RBMS3: variants seen among roughly 807,000 people sequenced by gnomAD.
RBMS3 encodes the protein RNA binding motif single stranded interacting protein 3, also known as RNA-binding motif, single-stranded-interacting protein 3.
RBMS3 carries 27 observed loss-of-function variants against 66.8 expected under a neutral mutation model. The observed-to-expected ratio is 0.40, with a 90% CI of 0.30 to 0.56. RBMS3 has a LOEUF of 0.56. RBMS3 is among the 20% of genes least tolerant of loss of function. The pLI is 0.40. For synonymous variants in RBMS3, 188 were observed against 183.0 expected, an observed-to-expected ratio of 1.03 and a Z score of -0.22; for missense variants, 513 against 549.5, an observed-to-expected ratio of 0.93 and a Z score of 0.66.
chr3:29,766,613 AG>A (rs1223865067), intron 6 of RBMS3: 2 of 151,972 alleles, frequency 1.3e-5, no homozygotes, highest in Admixed American at 1.3e-4. Context: ...TATTCATAAA[AG>A]ATCTTTTTTT....
At position 30,004,507 on chromosome 3, in the gene RBMS3, CT is replaced by C. The variant is rs1351475678; in HGVS notation, c.*646del. ...CTTTCACTGGCACAGAAGTTTAAGA[CT>C]ATGAGTTTTTAGGGTGAAGAAAAAA... On this transcript the variant is annotated 3_prime_UTR_variant, in exon 15 of 15. Transcript: ENST00000383767. 1 of 151,998 alleles carries C rather than the reference CT, an allele frequency of 6.6e-6. No individual in the cohort carries two copies. Among genetic ancestry groups the C allele is most frequent in the Non-Finnish European group, 1.5e-5 (1 of 67,778 alleles). The allele number at this position is 151,998 out of a possible 1,614,324, so 9.4% of individuals were successfully genotyped here. A position where few individuals can be genotyped will look rare whatever the true frequency, so the allele number is the denominator to read the frequency against.
chr3:29,843,752 C>A (rs933698704), intron 6 of RBMS3, among the ~76,000 whole-genome samples: 1 of 152,028 alleles, frequency 6.6e-6, no homozygotes, highest in Admixed American at 6.6e-5. Context: ...CCCAGGGGAC[C>A]AGCCTGGGCA....
intron 3 of RBMS3, among the ~76,000 whole-genome samples, chr3:29,507,437 GA>G (rs375389866): frequency 1.3e-5 from 2 of 151,862 alleles, no homozygotes; most frequent in African/African-American, 4.8e-5. Context: ...TTATGTAAAG[GA>G]AAAATTGTTA....
intron 14 of RBMS3, among the ~76,000 whole-genome samples, chr3:29,998,169 C>T (rs950737071): frequency 6.6e-6 from 1 of 152,124 alleles, no homozygotes; most frequent in African/African-American, 2.4e-5. Context: ...TTCACAATTG[C>T]TTCAAAGAGA....
chr3:29,353,069 C>G (rs2037015448), intron 1 of RBMS3, among the ~76,000 whole-genome samples: 1 of 151,764 alleles, frequency 6.6e-6, no homozygotes, highest in Non-Finnish European at 1.5e-5. Context: ...ATAGAATAAT[C>G]TTAGTGTTCC....
At chr3:29,834,531 T>G (rs975959925) in intron 6 of RBMS3, among the ~76,000 whole-genome samples, 1 of 152,006 alleles carries the variant, frequency 6.6e-6, no homozygotes, top group African/African-American at 2.4e-5. Context: ...AGTGTAAAAT[T>G]TGTGTGTGCG....
chr3:29,855,425 G>A (rs922969545), intron 6 of RBMS3, among the ~76,000 whole-genome samples: 2 of 152,020 alleles, frequency 1.3e-5, no homozygotes, highest in African/African-American at 4.8e-5. Flanking sequence ...ATCATTATAT[G>A]CCAAAAATAC....
chr3:29,537,244 A>G (rs1028340207), intron 3 of RBMS3, among the ~76,000 whole-genome samples: 4 of 152,198 alleles, frequency 2.6e-5, no homozygotes, highest in African/African-American at 9.6e-5. Context: ...CATTAGTTCC[A>G]GTGGAATTTG....
At chr3:29,613,406 C>T (rs565173701) in intron 4 of RBMS3, among the ~76,000 whole-genome samples, 1 of 152,022 alleles carries the variant, frequency 6.6e-6, no homozygotes, top group African/African-American at 2.4e-5. Context: ...GATGGACCCT[C>T]ATGTTCATTT....
At chr3:29,295,296 CATATATATCT>C (rs2033159523) in intron 1 of RBMS3, among the ~76,000 whole-genome samples, 4 of 4,438 alleles carry the variant, frequency 9.0e-4, no homozygotes, top group Non-Finnish European at 2.3e-3. Flanking sequence ...TATATATATA[CATATATATCT>C]ATATATATAC....
At chr3:29,532,335 C>T (rs959803034) in intron 3 of RBMS3, among the ~76,000 whole-genome samples, 1 of 145,076 alleles carries the variant, frequency 6.9e-6, no homozygotes, top group Non-Finnish European at 1.5e-5. Flanking sequence ...TTGGTACGTC[C>T]TAAGACAAGA....
At chr3:29,497,837 CTG>C (rs1423272912) in intron 3 of RBMS3, among the ~76,000 whole-genome samples, 1 of 152,044 alleles carries the variant, frequency 6.6e-6, no homozygotes, top group African/African-American at 2.4e-5. Context: ...ACCTCTGTCT[CTG>C]AGACCCTTTG....
chr3:29,926,095 TA>T (rs968955994), intron 10 of RBMS3, among the ~76,000 whole-genome samples: 5 of 152,132 alleles, frequency 3.3e-5, no homozygotes, highest in African/African-American at 1.2e-4. Context: ...ATATAAGTTT[TA>T]ACCTTAGAAT....
intron 4 of RBMS3, among the ~76,000 whole-genome samples, chr3:29,703,204 G>C (rs1384581261): frequency 6.6e-6 from 1 of 152,164 alleles, no homozygotes; most frequent in African/African-American, 2.4e-5. Context: ...AGTTGTAAAA[G>C]TTTGTAGTTT....
At chr3:29,817,775 A>G (rs929333157) in intron 6 of RBMS3, among the ~76,000 whole-genome samples, 48 of 152,074 alleles carry the variant, frequency 3.2e-4, no homozygotes, top group Non-Finnish European at 6.3e-4. Context: ...AAAATGATAA[A>G]CCATTTGAAA....
intron 6 of RBMS3, among the ~76,000 whole-genome samples, chr3:29,860,556 C>G (rs896228343): frequency 3.9e-5 from 6 of 152,182 alleles, no homozygotes; most frequent in Non-Finnish European, 8.8e-5. Context: ...ATTCCATGCT[C>G]TACGAATGCC....
chr3:29,609,487 G>A (rs896028446), intron 4 of RBMS3, among the ~76,000 whole-genome samples: 2 of 151,920 alleles, frequency 1.3e-5, no homozygotes, highest in African/African-American at 2.4e-5. Flanking sequence ...GTAGGGGGAG[G>A]GTTCAGTCAG....
At chr3:29,309,321 C>G (rs1421930165) in intron 1 of RBMS3, among the ~76,000 whole-genome samples, 1 of 151,766 alleles carries the variant, frequency 6.6e-6, no homozygotes, top group Non-Finnish European at 1.5e-5. Context: ...TGTCAGCAAT[C>G]TGTAGCTGCC....
intron 12 of RBMS3, among the ~76,000 whole-genome samples, chr3:29,985,719 A>G (rs1043285256): frequency 1.3e-5 from 2 of 152,096 alleles, no homozygotes; most frequent in Non-Finnish European, 2.9e-5. Context: ...CAGGTACCTC[A>G]GTTGGAAATG....
Sources: allele counts gnomAD v4.1 joint callset (sites outside exome capture counted in the v4.1 genomes callset), GRCh38; gene constraint gnomAD v4.1.1; transcripts MANE v1.5; gene names NCBI Gene and HGNC (gene_info 2026-07-23, HGNC 2026-07-21).